PALM2AKAP2: variants seen among roughly 807,000 people sequenced by gnomAD.
PALM2AKAP2 encodes PALM2-AKAP2 fusion protein.
A neutral mutation model predicts 71.5 loss-of-function variants in PALM2AKAP2; 37 were observed. That is an observed-to-expected ratio of 0.52 (90% confidence interval 0.40 to 0.68). The LOEUF (loss-of-function observed/expected upper bound fraction) is 0.68. PALM2AKAP2 is among the 30% of genes least tolerant of loss of function. The probability of loss-of-function intolerance (pLI) is 0.00; values close to 1 mark genes in which losing one functional copy is unlikely to be tolerated. For synonymous variants in PALM2AKAP2, 468 were observed against 478.8 expected, an observed-to-expected ratio of 0.98 and a Z score of 0.29; for missense variants, 1,224 against 1,191.8, an observed-to-expected ratio of 1.03 and a Z score of -0.40.
chr9:109,966,358 G>A (rs1329818956), intron 6 of PALM2AKAP2, among the ~76,000 whole-genome samples: 2 of 152,202 alleles, frequency 1.3e-5, no homozygotes, highest in African/African-American at 4.8e-5. Context: ...GGAAGAGGTG[G>A]CAAAGTGTTA....
chr9:109,889,244 TG>T (rs1830034604), intron 3 of PALM2AKAP2, among the ~76,000 whole-genome samples: 1 of 152,252 alleles, frequency 6.6e-6, no homozygotes, highest in African/African-American at 2.4e-5. Context: ...GTGCTGCTTT[TG>T]CAAAGGCAAT....
At chr9:109,677,929 T>G (rs1214287582) in intron 1 of PALM2AKAP2, among the ~76,000 whole-genome samples, 1 of 152,196 alleles carries the variant, frequency 6.6e-6, no homozygotes, top group East Asian at 1.9e-4. Context: ...GGAATATTAA[T>G]TAAAGCTGGG....
chr9:109,669,893 T>G (rs142048663), intron 1 of PALM2AKAP2, among the ~76,000 whole-genome samples: 1 of 152,070 alleles, frequency 6.6e-6, no homozygotes, highest in East Asian at 1.9e-4. Context: ...GACTTTTTTA[T>G]TGTTTATCTT....
At chr9:110,011,014 A>AAAAAAAAAAAAAAAATATATATAT (rs35212981) in intron 6 of PALM2AKAP2, among the ~76,000 whole-genome samples, 1 of 69,588 alleles carries the variant, frequency 1.4e-5, no homozygotes, top group African/African-American at 7.8e-5. Context: ...AAAAAAAAAA[A>AAAAAAAAAAAAAAAATATATATAT]ATATATATAT....
chr9:110,137,365 C>T (rs142232519), exon 2 of PALM2AKAP2: 22 of 1,614,040 alleles, frequency 1.4e-5, no homozygotes, highest in African/African-American at 8.0e-5. Context: ...CACCTTCTGT[C>T]GGGGGACCTC....
At chr9:109,971,715 C>T (rs535940230) in intron 6 of PALM2AKAP2, among the ~76,000 whole-genome samples, 6 of 152,134 alleles carry the variant, frequency 3.9e-5, no homozygotes, top group African/African-American at 4.8e-5. Context: ...CGTGAGCCAC[C>T]GCGCCCAGCC....
chr9:109,661,715 C>T (rs1455796322), intron 1 of PALM2AKAP2, among the ~76,000 whole-genome samples: 1 of 152,086 alleles, frequency 6.6e-6, no homozygotes, highest in Non-Finnish European at 1.5e-5. Context: ...TCATTGGTAG[C>T]TTGATGGGGA....
chr9:109,937,231 A>G (rs529592505), intron 6 of PALM2AKAP2, among the ~76,000 whole-genome samples: 1 of 152,282 alleles, frequency 6.6e-6, no homozygotes, highest in East Asian at 1.9e-4. Context: ...TTCTCTGCTC[A>G]AAACTACCAC....
At chr9:109,771,150 A>G (rs897092277) in intron 1 of PALM2AKAP2, among the ~76,000 whole-genome samples, 2 of 152,240 alleles carry the variant, frequency 1.3e-5, no homozygotes, top group African/African-American at 2.4e-5. Context: ...TATAATTTTT[A>G]GAATTAACTG....
chr9:110,099,701 C>T (rs1281829111), intron 1 of PALM2AKAP2, among the ~76,000 whole-genome samples: 2 of 151,898 alleles, frequency 1.3e-5, no homozygotes, highest in African/African-American at 2.4e-5. Flanking sequence ...TTAGGAGTCC[C>T]GAGAAAACAA....
chr9:110,127,725 C>G (rs1835643410), intron 1 of PALM2AKAP2: 1 of 152,316 alleles, frequency 6.6e-6, no homozygotes, highest in Non-Finnish European at 1.5e-5. Flanking sequence ...AGAGGAGGTG[C>G]AGCCAGCCTG....
chr9:109,873,762 C>A (rs1443769274), intron 2 of PALM2AKAP2, among the ~76,000 whole-genome samples: 1 of 152,132 alleles, frequency 6.6e-6, no homozygotes, highest in Non-Finnish European at 1.5e-5. Context: ...AGACTTATTA[C>A]AAGTTCTCAT....
chr9:109,964,205 G>A (rs373112408), intron 6 of PALM2AKAP2, among the ~76,000 whole-genome samples: 378 of 152,378 alleles, frequency 2.5e-3, no homozygotes, highest in African/African-American at 8.3e-3. Context: ...CATAGGCCTG[G>A]CTGCAGCCCT....
chr9:110,007,020 T>C (rs1043182456), intron 6 of PALM2AKAP2, among the ~76,000 whole-genome samples: 2 of 152,154 alleles, frequency 1.3e-5, no homozygotes, highest in East Asian at 1.9e-4. Flanking sequence ...AGTGAGACTT[T>C]GGGGGTTCAG....
intron 7 of PALM2AKAP2, among the ~76,000 whole-genome samples, chr9:110,032,416 G>C (rs899746363): frequency 1.3e-5 from 2 of 152,036 alleles, no homozygotes; most frequent in East Asian, 1.9e-4. Context: ...AAAACCGCCG[G>C]GTGCGGTGGC....
At chr9:109,869,107 T>C (rs1244736976) in intron 2 of PALM2AKAP2, among the ~76,000 whole-genome samples, 1 of 152,226 alleles carries the variant, frequency 6.6e-6, no homozygotes, top group Non-Finnish European at 1.5e-5. Context: ...GAGAGGCTGC[T>C]TTGGGCTAGA....
intron 7 of PALM2AKAP2, among the ~76,000 whole-genome samples, chr9:110,031,405 C>T (rs1833274784): frequency 6.6e-6 from 1 of 152,320 alleles, no homozygotes; most frequent in Admixed American, 6.5e-5. Flanking sequence ...GCTGGGATTA[C>T]AGGTGTGAGC....
intron 2 of PALM2AKAP2, among the ~76,000 whole-genome samples, chr9:109,879,433 T>TG (rs1829795420): frequency 6.6e-6 from 1 of 152,254 alleles, no homozygotes; most frequent in South Asian, 2.1e-4. Flanking sequence ...GCATGGTCAC[T>TG]GGTCCTTAGC....
intron 1 of PALM2AKAP2, among the ~76,000 whole-genome samples, chr9:109,656,661 G>A (rs912114595): frequency 2.6e-5 from 4 of 152,172 alleles, no homozygotes; most frequent in South Asian, 2.1e-4. Context: ...TGTGAAGAAC[G>A]GGCTGTAGAG....
Sources: allele counts gnomAD v4.1 joint callset (sites outside exome capture counted in the v4.1 genomes callset), GRCh38; gene constraint gnomAD v4.1.1; transcripts MANE v1.5; gene names NCBI Gene and HGNC (gene_info 2026-07-23, HGNC 2026-07-21).